POFUT3: variants seen among roughly 807,000 people sequenced by gnomAD.
POFUT3 encodes the protein GDP-fucose protein O-fucosyltransferase 3.
chr8:33,445,017 T>C, the POFUT3 span, among the ~76,000 whole-genome samples: 2 of 138,434 alleles, frequency 1.4e-5, no homozygotes, highest in East Asian at 4.6e-4. Context: ...CACTGCAACC[T>C]CCACCTCCCA....
At chr8:33,313,351 G>A in the POFUT3 span, among the ~76,000 whole-genome samples, 1 of 152,246 alleles carries the variant, frequency 6.6e-6, no homozygotes, top group South Asian at 2.1e-4. Context: ...TCTAGGATGT[G>A]TCATTCCTCA....
the POFUT3 span, among the ~76,000 whole-genome samples, chr8:33,387,816 G>A: frequency 6.6e-6 from 1 of 151,984 alleles, no homozygotes; most frequent in African/African-American, 2.4e-5. Flanking sequence ...AAAAAAAGAA[G>A]AACAAGAAAA....
chr8:33,319,269 TA>T, the POFUT3 span, among the ~76,000 whole-genome samples: 1 of 77,758 alleles, frequency 1.3e-5, no homozygotes, highest in Non-Finnish European at 2.1e-5. Flanking sequence ...TTTTATATAA[TA>T]TGTAAATATA....
chr8:33,345,323 T>C, the POFUT3 span, among the ~76,000 whole-genome samples: 2 of 152,134 alleles, frequency 1.3e-5, no homozygotes, highest in African/African-American at 4.8e-5. Flanking sequence ...TTTACACGAT[T>C]TAAAACACAG....
the POFUT3 span, among the ~76,000 whole-genome samples, chr8:33,341,758 A>T: frequency 1.3e-5 from 2 of 152,176 alleles, no homozygotes; most frequent in African/African-American, 2.4e-5. Flanking sequence ...TGAAAACAGA[A>T]AAACAATAAA....
chr8:33,453,252 G>A, the POFUT3 span: 3 of 1,614,196 alleles, frequency 1.9e-6, no homozygotes, highest in Non-Finnish European at 1.7e-6. Flanking sequence ...TGATGATGGA[G>A]GTAGGTCCGG....
chr8:33,381,473 G>A, the POFUT3 span, among the ~76,000 whole-genome samples: 8 of 152,292 alleles, frequency 5.3e-5, no homozygotes, highest in East Asian at 1.2e-3. Flanking sequence ...GATACAGGAA[G>A]TATAAGATCT....
chr8:33,421,375 C>T, the POFUT3 span, among the ~76,000 whole-genome samples: 1 of 152,086 alleles, frequency 6.6e-6, no homozygotes, highest in Non-Finnish European at 1.5e-5. Context: ...TCTTCAAATG[C>T]CATATTCTCT....
chr8:33,442,732 T>G, the POFUT3 span, among the ~76,000 whole-genome samples: 1 of 152,110 alleles, frequency 6.6e-6, no homozygotes, highest in Non-Finnish European at 1.5e-5. Context: ...AGTGCTGGGA[T>G]TATAGGCATG....
chr8:33,380,085 T>C, the POFUT3 span, among the ~76,000 whole-genome samples: 5 of 68,872 alleles, frequency 7.3e-5, no homozygotes, highest in Admixed American at 3.9e-4. Flanking sequence ...ACACTATATA[T>C]ACTATATATA....
At chr8:33,426,250 C>A in the POFUT3 span, among the ~76,000 whole-genome samples, 1 of 152,062 alleles carries the variant, frequency 6.6e-6, no homozygotes, top group African/African-American at 2.4e-5. Context: ...CTGGACTCTG[C>A]CCATATATGA....
At chr8:33,458,437 A>C in the POFUT3 span, among the ~76,000 whole-genome samples, 15 of 152,292 alleles carry the variant, frequency 9.8e-5, no homozygotes, top group Middle Eastern at 3.4e-3. Context: ...AATGGAGGCC[A>C]GGCCTGGTGG....
chr8:33,468,578 G>A, the POFUT3 span, among the ~76,000 whole-genome samples: 81 of 152,344 alleles, frequency 5.3e-4, no homozygotes, highest in African/African-American at 1.9e-3. Context: ...CTGTCCTGGC[G>A]AAGACATGTG....
the POFUT3 span, among the ~76,000 whole-genome samples, chr8:33,366,921 CT>C: frequency 6.6e-6 from 1 of 152,062 alleles, no homozygotes; most frequent in Non-Finnish European, 1.5e-5. Flanking sequence ...AGGTATTTTA[CT>C]CTTATTTTTG....
At chr8:33,386,682 T>C in the POFUT3 span, among the ~76,000 whole-genome samples, 21 of 151,594 alleles carry the variant, frequency 1.4e-4, no homozygotes, top group Non-Finnish European at 2.2e-4. Context: ...TGGTGGCGGG[T>C]GCCTGTAGTC....
the POFUT3 span, among the ~76,000 whole-genome samples, chr8:33,349,747 T>A: frequency 2.0e-5 from 3 of 152,230 alleles, no homozygotes; most frequent in African/African-American, 7.2e-5. Flanking sequence ...TAAACATGCA[T>A]GTACAAGTAT....
the POFUT3 span, among the ~76,000 whole-genome samples, chr8:33,321,280 T>G: frequency 6.6e-6 from 1 of 152,244 alleles, no homozygotes; most frequent in African/African-American, 2.4e-5. Flanking sequence ...AAACGTGATT[T>G]GTGAGTCAAG....
chr8:33,438,182 T>C, the POFUT3 span, among the ~76,000 whole-genome samples: 2 of 152,174 alleles, frequency 1.3e-5, no homozygotes, highest in East Asian at 3.8e-4. Context: ...GAACAAAGCA[T>C]CTGAAAAGTC....
the POFUT3 span, among the ~76,000 whole-genome samples, chr8:33,376,063 T>C: frequency 6.6e-6 from 1 of 150,448 alleles, no homozygotes; most frequent in Non-Finnish European, 1.5e-5. Flanking sequence ...AAACATTGGG[T>C]AAATACCAAA....
Sources: allele counts gnomAD v4.1 joint callset (sites outside exome capture counted in the v4.1 genomes callset), GRCh38; gene constraint gnomAD v4.1.1; transcripts MANE v1.5; gene names NCBI Gene and HGNC (gene_info 2026-07-23, HGNC 2026-07-21).